The following EHBP1 variants were observed in gnomAD, a reference collection of about 807,000 sequenced individuals.
EHBP1 encodes the protein EH domain binding protein 1.
Under a neutral mutation model 144.0 loss-of-function variants are expected in EHBP1, and 55 were observed. That is an observed-to-expected ratio of 0.38 (90% CI 0.31 to 0.48). EHBP1 has a LOEUF of 0.48. Among genes scored for constraint, EHBP1 ranks in the 20% least tolerant of loss-of-function variants. The pLI, the probability that EHBP1 is intolerant of heterozygous loss-of-function variation, is 0.98. For missense variants in EHBP1, 1,200 were observed against 1,364.2 expected (o/e 0.88, Z 1.90); for synonymous variants, 469 against 472.7 (o/e 0.99, Z 0.10).
intron 2 of EHBP1, among the ~76,000 whole-genome samples, chr2:62,713,279 G>C: frequency 6.7e-6 from 1 of 149,130 alleles, no homozygotes; most frequent in South Asian, 2.1e-4. Flanking sequence ...TTGAGACAGA[G>C]TCACACTCTG....
At chr2:62,695,345 A>G (rs1376388215) in intron 1 of EHBP1, among the ~76,000 whole-genome samples, 1 of 152,202 alleles carries the variant, frequency 6.6e-6, no homozygotes, top group East Asian at 1.9e-4. Context: ...CGGATGACAG[A>G]GCGAGACTCT....
chr2:62,931,226 A>G (rs1378334316), intron 10 of EHBP1, among the ~76,000 whole-genome samples: 1 of 152,346 alleles, frequency 6.6e-6, no homozygotes, highest in Non-Finnish European at 1.5e-5. Context: ...TTGAATAGAT[A>G]TTTATCCAAA....
intron 10 of EHBP1, among the ~76,000 whole-genome samples, chr2:62,896,015 G>T (rs1006710885): frequency 6.6e-6 from 1 of 152,172 alleles, no homozygotes; most frequent in African/African-American, 2.4e-5. Context: ...TGAGCACTCA[G>T]TGTGCCAAGC....
chr2:62,988,000 A>G (rs2059268442), intron 15 of EHBP1: 1 of 1,608,020 alleles, frequency 6.2e-7, no homozygotes, highest in Non-Finnish European at 8.5e-7. Context: ...GGAGGTGGAG[A>G]TGAACTTACT....
At chr2:62,958,221 C>CA (rs766507056) in intron 14 of EHBP1, among the ~76,000 whole-genome samples, 89 of 151,986 alleles carry the variant, frequency 5.9e-4, no homozygotes, top group Middle Eastern at 3.4e-3. Flanking sequence ...GGTATATAAC[C>CA]AAAAAAACTA....
chr2:62,909,700 A>G (rs1332802242), intron 10 of EHBP1, among the ~76,000 whole-genome samples: 1 of 152,170 alleles, frequency 6.6e-6, no homozygotes, highest in Non-Finnish European at 1.5e-5. Context: ...TTACCTCTGA[A>G]TGACAGTTTT....
At chr2:62,897,378 C>G (rs1261281449) in intron 10 of EHBP1, among the ~76,000 whole-genome samples, 2 of 151,950 alleles carry the variant, frequency 1.3e-5, no homozygotes, top group Non-Finnish European at 2.9e-5. Flanking sequence ...GTTTTCAGTC[C>G]TTTGTTGTTA....
intron 1 of EHBP1, among the ~76,000 whole-genome samples, chr2:62,691,746 C>T (rs1390636424): frequency 2.0e-5 from 3 of 152,292 alleles, no homozygotes; most frequent in East Asian, 3.9e-4. Flanking sequence ...CTAGAACCCA[C>T]ATCTCAAAAC....
At chr2:62,900,202 A>G (rs537449977) in intron 10 of EHBP1, among the ~76,000 whole-genome samples, 22 of 152,314 alleles carry the variant, frequency 1.4e-4, no homozygotes, top group African/African-American at 5.1e-4. Context: ...ATATAAGGAA[A>G]ATAAAAAAAT....
chr2:62,927,984 C>T (rs903129122), intron 10 of EHBP1, among the ~76,000 whole-genome samples: 53 of 152,172 alleles, frequency 3.5e-4, no homozygotes, highest in Non-Finnish European at 7.2e-4. Flanking sequence ...TTTTAAACTA[C>T]ACACTTGTAA....
chr2:62,950,011 C>A (rs1245033032), intron 13 of EHBP1, among the ~76,000 whole-genome samples: 1 of 151,908 alleles, frequency 6.6e-6, no homozygotes, highest in Non-Finnish European at 1.5e-5. Context: ...AGATAACACT[C>A]GTGTATATAT....
At chr2:63,039,144 C>T (rs1395824690) in intron 21 of EHBP1, among the ~76,000 whole-genome samples, 1 of 152,066 alleles carries the variant, frequency 6.6e-6, no homozygotes, top group East Asian at 1.9e-4. Flanking sequence ...TGTTTCCACT[C>T]GGGAGGTTTG....
chr2:62,804,618 C>T (rs2044299399), intron 5 of EHBP1, among the ~76,000 whole-genome samples: 1 of 152,164 alleles, frequency 6.6e-6, no homozygotes, highest in African/African-American at 2.4e-5. Flanking sequence ...TATTAAGACT[C>T]ATTTTTGGCC....
intron 19 of EHBP1, among the ~76,000 whole-genome samples, chr2:63,032,294 C>T (rs1478537407): frequency 6.7e-6 from 1 of 149,946 alleles, no homozygotes; most frequent in Non-Finnish European, 1.5e-5. Flanking sequence ...TCAGGCTGGG[C>T]GCGGTGCCTC....
intron 5 of EHBP1, among the ~76,000 whole-genome samples, chr2:62,821,005 G>T (rs1057501449): frequency 6.6e-6 from 1 of 151,126 alleles, no homozygotes; most frequent in Admixed American, 6.6e-5. Flanking sequence ...GCTTTATTAT[G>T]TATATTTCAT....
chr2:62,987,918 C>T (rs752433593), intron 15 of EHBP1: 30 of 1,353,464 alleles, frequency 2.2e-5, no homozygotes, highest in Non-Finnish European at 2.5e-5. Flanking sequence ...ATTATTGCTA[C>T]ATGTTCCTAC....
At chr2:63,034,989 G>A (rs1282090057) in intron 19 of EHBP1, among the ~76,000 whole-genome samples, 2 of 151,980 alleles carry the variant, frequency 1.3e-5, no homozygotes, top group African/African-American at 2.4e-5. Context: ...AATAACAAAT[G>A]GTTAGAGGAG....
intron 10 of EHBP1, among the ~76,000 whole-genome samples, chr2:62,910,546 T>C (rs1475608025): frequency 6.6e-6 from 1 of 152,142 alleles, no homozygotes; most frequent in African/African-American, 2.4e-5. Flanking sequence ...CCTACCATTA[T>C]ATTGCCAATC....
chr2:62,773,768 T>G (rs1200272813), intron 5 of EHBP1, among the ~76,000 whole-genome samples: 1 of 142,686 alleles, frequency 7.0e-6, no homozygotes, highest in South Asian at 2.2e-4. Flanking sequence ...GGAGAATTGC[T>G]TGAACCAGGG....
Sources: gnomAD v4.1 joint callset for allele counts (sites outside exome capture counted in the v4.1 genomes callset) on GRCh38, gnomAD v4.1.1 for gene constraint, MANE v1.5 for transcripts, NCBI Gene and HGNC (gene_info 2026-07-23, HGNC 2026-07-21) for gene names.